Variants in ABHD17B observed in about 807,000 individuals in gnomAD.
The protein encoded by ABHD17B is abhydrolase domain containing 17B, depalmitoylase.
ABHD17B carries 9 observed loss-of-function variants against 26.2 expected under a neutral mutation model. That is an observed-to-expected ratio of 0.34 (90% CI 0.21 to 0.60). The LOEUF (loss-of-function observed/expected upper bound fraction) is 0.60. ABHD17B is among the 20% of genes least tolerant of loss of function. The pLI, the probability that ABHD17B is intolerant of heterozygous loss-of-function variation, is 0.80. For missense variants in ABHD17B, 224 were observed against 352.1 expected (o/e 0.64, Z 2.91); for synonymous variants, 127 against 122.3 (o/e 1.04, Z -0.25).
rs116886779 is a variant in ABHD17B, at chr9:71,878,619, A to G, written c.-3-3536T>C. The stretch of plus-strand genomic sequence containing the variant: ...TCAAACTTTTAACCTAGAATTGTAC[A>G]TAGAACAAAAATACAGTTTTAATAT... On this transcript the variant is annotated intron_variant, in intron 1 of 3. Coordinates refer to ENST00000333421, the MANE Select transcript of ABHD17B (RefSeq NM_001025780.3). Among the ~76,000 whole-genome samples, 440 of 152,284 alleles carry G rather than the reference A, an allele frequency of 2.9e-3. 2 individuals are homozygous for G. The highest frequency in any genetic ancestry group is 8.9e-3 in the Admixed American group (136 of 15,282).
At chr9:71,904,337 A>AT (rs956350702) in intron 1 of ABHD17B, among the ~76,000 whole-genome samples, 1 of 152,076 alleles carries the variant, frequency 6.6e-6, no homozygotes, top group Admixed American at 6.6e-5. Context: ...CACTGGCCCA[A>AT]TTTTCCTTTC....
Position 71,878,578 on chromosome 9 carries a change from T to A in ABHD17B, c.-3-3495A>T, listed in dbSNP as rs1236286630. ...CCAAAAGACAATGGAGAGATAATTTTAAGCTAAAGATGAAATCAAACTTTT... is the reference window on the plus strand; with the variant it reads ...CCAAAAGACAATGGAGAGATAATTTAAAGCTAAAGATGAAATCAAACTTTT... On this transcript the variant is annotated intron_variant, in intron 1 of 3. Coordinates refer to ENST00000333421, the MANE Select transcript of ABHD17B (RefSeq NM_001025780.3). Among the ~76,000 whole-genome samples the A allele has an allele frequency of 6.6e-5, 10 of 152,304 alleles. No individual in the cohort carries two copies. The South Asian group carries it at 1.2e-3, about 19-fold the overall frequency.
intron 3 of ABHD17B, among the ~76,000 whole-genome samples, chr9:71,868,158 G>A (rs1564059269): frequency 6.6e-6 from 1 of 151,970 alleles, no homozygotes; most frequent in Non-Finnish European, 1.5e-5. Context: ...GGCAGAGGTT[G>A]CAGTGAGCCA....
chr9:71,867,600 A>C (rs1825993685), intron 3 of ABHD17B, among the ~76,000 whole-genome samples: 1 of 152,198 alleles, frequency 6.6e-6, no homozygotes, highest in Non-Finnish European at 1.5e-5. Context: ...ATACAACAGA[A>C]TACCCCAGAA....
At chr9:71,882,589 C>T (rs1363864905) in intron 1 of ABHD17B, among the ~76,000 whole-genome samples, 1 of 150,702 alleles carries the variant, frequency 6.6e-6, no homozygotes, top group Admixed American at 6.6e-5. Context: ...ACTCGGGAGG[C>T]GGAGGTTGCA....
chr9:71,870,036 A>G (rs763793191), intron 3 of ABHD17B, 47 bp downstream of exon 3: 2 of 1,530,706 alleles, frequency 1.3e-6, no homozygotes, highest in Non-Finnish European at 1.8e-6. Context: ...TGATGAAAAA[A>G]TTCCCAAGTT....
At chr9:71,869,024 C>T (rs1826037673) in intron 3 of ABHD17B, among the ~76,000 whole-genome samples, 1 of 152,086 alleles carries the variant, frequency 6.6e-6, no homozygotes, top group Admixed American at 6.6e-5. Context: ...TCTGTTGGTG[C>T]ACCAGAAATG....
At chr9:71,887,557 C>T (rs1044679492) in intron 1 of ABHD17B, among the ~76,000 whole-genome samples, 3 of 152,190 alleles carry the variant, frequency 2.0e-5, no homozygotes, top group Non-Finnish European at 4.4e-5. Flanking sequence ...TAAATATTCA[C>T]TTCTTCAATC....
chr9:71,901,258 T>C (rs989652211), intron 1 of ABHD17B, among the ~76,000 whole-genome samples: 2 of 152,148 alleles, frequency 1.3e-5, no homozygotes, highest in African/African-American at 2.4e-5. Flanking sequence ...TTTTTCTTTT[T>C]TCAGAATCAA....
At chr9:71,878,899 T>C (rs1826358301) in intron 1 of ABHD17B, among the ~76,000 whole-genome samples, 2 of 152,226 alleles carry the variant, frequency 1.3e-5, no homozygotes, top group Non-Finnish European at 2.9e-5. Flanking sequence ...CTCACACCTA[T>C]AATCCCAACA....
At chr9:71,904,486 T>C (rs1564075203) in intron 1 of ABHD17B, among the ~76,000 whole-genome samples, 1 of 152,186 alleles carries the variant, frequency 6.6e-6, no homozygotes, top group African/African-American at 2.4e-5. Context: ...TGAAATTCTA[T>C]TCTGTTAAAA....
chr9:71,877,454 A>G (rs1022222223), intron 1 of ABHD17B, among the ~76,000 whole-genome samples: 3 of 152,174 alleles, frequency 2.0e-5, no homozygotes, highest in Non-Finnish European at 4.4e-5. Flanking sequence ...GTCTCACTCT[A>G]TCGCCCAGGC....
chr9:71,866,449 ATATT>A lies in ABHD17B; in HGVS notation c.*334_*337del. 6.0e-6 allele frequency: 6 copies of A among 1,007,454 alleles called. No individual in the cohort carries two copies. The highest frequency in any genetic ancestry group is 7.2e-6 in the Non-Finnish European group (6 of 835,970). 62.4% of individuals were successfully genotyped at this position (1,007,454 alleles called of 1,614,324 possible). ...TTTAATATATTGAGATGTTTTAAAAATATTTATAAATTTGTTTCTAGTATGCAAA... is the reference window on the plus strand; with the variant it reads ...TTTAATATATTGAGATGTTTTAAAAATATAAATTTGTTTCTAGTATGCAAA... On this transcript the variant is annotated 3_prime_UTR_variant, in exon 4 of 4. Transcript: ENST00000333421.
intron 1 of ABHD17B, among the ~76,000 whole-genome samples, chr9:71,891,680 G>A (rs1826787908): frequency 6.6e-6 from 1 of 152,150 alleles, no homozygotes; most frequent in Non-Finnish European, 1.5e-5. Flanking sequence ...GTAACTGCTA[G>A]AATAAAGAGG....
Position 71,865,306 on chromosome 9 carries a change from T to C in ABHD17B, c.*1481A>G. On this transcript the variant is annotated 3_prime_UTR_variant, in exon 4 of 4. Transcript: ENST00000333421. ...TAAAACTACATAAGGCCTTAAAATA[T>C]ATCCACAGTGTGTATTATTTCCATA... is the stretch of plus-strand genomic sequence containing the variant. 2 of 985,518 alleles carry C rather than the reference T, an allele frequency of 2.0e-6. No individual in the cohort carries two copies. Among genetic ancestry groups the C allele is most frequent in the Non-Finnish European group, 2.4e-6 (2 of 829,626 alleles). 61.0% of individuals were successfully genotyped at this position (985,518 alleles called of 1,614,324 possible).
At position 71,866,990 on chromosome 9, in the gene ABHD17B, T is replaced by C; in HGVS notation, c.664A>G (p.Lys222Glu). The change falls in exon 4 of 4, where the codon AAG becomes GAG. Residue 222 changes from lysine (K) to glutamate (E), a missense_variant. Transcript: ENST00000333421. Reference protein sequence around the residue: ...DAFPNIDKISKITSPVLIIHG... With the variant: ...DAFPNIDKISEITSPVLIIHG... ...ATTATTAATACTGGAGAGGTTATCTTAGAGATTTTGTCAATGCTGCAGGGA... is the reference window on the plus strand; with the variant it reads ...ATTATTAATACTGGAGAGGTTATCTCAGAGATTTTGTCAATGCTGCAGGGA... 1 of 1,614,076 alleles carries C rather than the reference T, an allele frequency of 6.2e-7. No homozygotes were observed. Among genetic ancestry groups the C allele is most frequent in the Non-Finnish European group, 8.5e-7 (1 of 1,180,012 alleles).
Position 71,867,318 on chromosome 9 carries a change from A to C in ABHD17B, c.648-312T>G, listed in dbSNP as rs1476490618. Reference sequence around the variant, plus strand: ...GCACAGAGAAACTTAGGTGTCCAGAAGAAGAGAAAATTTAAGAACCATTTC... The same window carrying C: ...GCACAGAGAAACTTAGGTGTCCAGACGAAGAGAAAATTTAAGAACCATTTC... On this transcript the variant is annotated intron_variant, in intron 3 of 3. Coordinates refer to ENST00000333421, the MANE Select transcript of ABHD17B (RefSeq NM_001025780.3). 2.6e-5 allele frequency among the ~76,000 whole-genome samples: 4 copies of C among 152,350 alleles called. No individual in the cohort carries two copies. The East Asian group carries it at 7.7e-4, about 29-fold the overall frequency.
At chr9:71,905,215 C>T (rs1044384259) in intron 1 of ABHD17B, among the ~76,000 whole-genome samples, 1 of 151,754 alleles carries the variant, frequency 6.6e-6, no homozygotes, top group Admixed American at 6.6e-5. Flanking sequence ...CTCTGCCTCC[C>T]AGGTTCAAGC....
Position 71,865,182 on chromosome 9 carries a change from T to C in ABHD17B, c.*1605A>G. ...GGTATATTTGTTGTTTTACTGTTAA[T>C]TTGACACATCTGAACCAAAGCATTC... On this transcript the variant is annotated 3_prime_UTR_variant, in exon 4 of 4. Coordinates refer to ENST00000333421, the MANE Select transcript of ABHD17B (RefSeq NM_001025780.3). 1.0e-6 allele frequency: 1 copy of C among 985,556 alleles called. No individual in the cohort carries two copies. The highest frequency in any genetic ancestry group is 1.2e-6 in the Non-Finnish European group (1 of 829,930). The allele number at this position is 985,556 out of a possible 1,614,324, so 61.1% of individuals were successfully genotyped here. A position where few individuals can be genotyped will look rare whatever the true frequency, so the allele number is the denominator to read the frequency against.
Sources: gnomAD v4.1 joint callset for allele counts (sites outside exome capture counted in the v4.1 genomes callset) on GRCh38, gnomAD v4.1.1 for gene constraint, MANE v1.5 for transcripts, NCBI Gene and HGNC (gene_info 2026-07-23, HGNC 2026-07-21) for gene names.